The following TNFAIP8 variants were observed in gnomAD, a reference collection of about 807,000 sequenced individuals.
TNFAIP8 encodes the protein TNF alpha induced protein 8, also known as tumor necrosis factor alpha-induced protein 8.
In TNFAIP8, 7 loss-of-function variants were observed where a neutral mutation model predicts 13.3. That is an observed-to-expected ratio of 0.52 (90% CI 0.30 to 0.99). The LOEUF is 0.99. Ranked by LOEUF, TNFAIP8 falls within the 50% of genes least tolerant of loss-of-function variation. The pLI, the probability that TNFAIP8 is intolerant of heterozygous loss-of-function variation, is 0.07. For synonymous variants in TNFAIP8, 94 were observed against 87.6 expected, an observed-to-expected ratio of 1.07 and a Z score of -0.41; for missense variants, 258 against 236.9, an observed-to-expected ratio of 1.09 and a Z score of -0.58.
upstream of TNFAIP8, chr5:119,355,586 T>TG (rs1424628705): frequency 3.6e-6 from 2 of 563,054 alleles, no homozygotes; most frequent in Non-Finnish European, 6.3e-6. Context: ...CAAATGGGCA[T>TG]CAAAAAATGT....
intron 1 of TNFAIP8, among the ~76,000 whole-genome samples, chr5:119,327,044 G>T (rs1750245664): frequency 6.6e-6 from 1 of 152,126 alleles, no homozygotes; most frequent in African/African-American, 2.4e-5. Flanking sequence ...CAGGATAGGG[G>T]CTCGGGCTCC....
intron 1 of TNFAIP8, among the ~76,000 whole-genome samples, chr5:119,329,825 T>G (rs11959451): frequency 0.096 from 14,535 of 151,264 alleles, 801 homozygotes; most frequent in African/African-American, 0.16. Flanking sequence ...ACCATGCAAG[T>G]CCATGTCCAG....
chr5:119,305,450 C>G (rs1581589241), intron 1 of TNFAIP8, among the ~76,000 whole-genome samples: 1 of 152,116 alleles, frequency 6.6e-6, no homozygotes, highest in Non-Finnish European at 1.5e-5. Flanking sequence ...TCATTTGGGC[C>G]TGGGTGTGGT....
intron 1 of TNFAIP8, among the ~76,000 whole-genome samples, chr5:119,383,642 G>A (rs1752568249): frequency 6.6e-6 from 1 of 152,076 alleles, no homozygotes; most frequent in Non-Finnish European, 1.5e-5. Context: ...GCACTGCTCA[G>A]TATCTATTCA....
intron 1 of TNFAIP8, among the ~76,000 whole-genome samples, chr5:119,351,009 T>A (rs906270262): frequency 1.2e-4 from 16 of 134,032 alleles, no homozygotes; most frequent in African/African-American, 5.8e-4. Context: ...TGTGTGTGTG[T>A]GTGTGTGTGT....
chr5:119,343,001 C>T (rs1413489493), intron 1 of TNFAIP8, among the ~76,000 whole-genome samples: 4 of 152,166 alleles, frequency 2.6e-5, no homozygotes, highest in African/African-American at 4.8e-5. Flanking sequence ...GTTTCCAATC[C>T]GAGGATGGTG....
intron 1 of TNFAIP8, among the ~76,000 whole-genome samples, chr5:119,385,072 A>T (rs1037385106): frequency 6.6e-6 from 1 of 152,224 alleles, no homozygotes; most frequent in South Asian, 2.1e-4. Flanking sequence ...TTGTCCACGA[A>T]TTTGGCAAAT....
intron 1 of TNFAIP8, among the ~76,000 whole-genome samples, chr5:119,302,740 A>T (rs776732580): frequency 6.6e-6 from 1 of 152,214 alleles, no homozygotes; most frequent in African/African-American, 2.4e-5. Flanking sequence ...ATGACCTAAG[A>T]TCGTTCACCT....
chr5:119,330,001 C>G (rs1286076444), intron 1 of TNFAIP8, among the ~76,000 whole-genome samples: 1 of 152,090 alleles, frequency 6.6e-6, no homozygotes, highest in Non-Finnish European at 1.5e-5. Context: ...GCCTTCCTCC[C>G]TGCTTCACCA....
intron 1 of TNFAIP8, among the ~76,000 whole-genome samples, chr5:119,288,971 A>G (rs922072802): frequency 1.3e-5 from 2 of 152,228 alleles, no homozygotes; most frequent in East Asian, 1.9e-4. Context: ...TTAAAGCCAC[A>G]TTCACTCCTT....
At chr5:119,344,396 C>T (rs1296976785) in intron 1 of TNFAIP8, among the ~76,000 whole-genome samples, 1 of 152,202 alleles carries the variant, frequency 6.6e-6, no homozygotes, top group East Asian at 1.9e-4. Context: ...GGATCCACCT[C>T]CATGACCCAA....
chr5:119,299,565 A>T (rs1432481335), intron 1 of TNFAIP8, among the ~76,000 whole-genome samples: 3 of 152,046 alleles, frequency 2.0e-5, no homozygotes, highest in Non-Finnish European at 4.4e-5. Flanking sequence ...GGGGTCAGGG[A>T]CCCTCGTGAG....
chr5:119,271,467 A>T (rs1360539563), intron 1 of TNFAIP8, among the ~76,000 whole-genome samples: 1 of 152,170 alleles, frequency 6.6e-6, no homozygotes, highest in Non-Finnish European at 1.5e-5. Context: ...GCTTTGATCT[A>T]CCTCATGTAG....
chr5:119,356,908 G>A (rs1209337383), intron 1 of TNFAIP8, among the ~76,000 whole-genome samples: 1 of 152,062 alleles, frequency 6.6e-6, no homozygotes, highest in Non-Finnish European at 1.5e-5. Flanking sequence ...GTAAGTGGGG[G>A]GTGGGAGTAA....
At chr5:119,297,665 A>G (rs915313854) in intron 1 of TNFAIP8, among the ~76,000 whole-genome samples, 7 of 152,060 alleles carry the variant, frequency 4.6e-5, no homozygotes, top group African/African-American at 1.5e-4. Flanking sequence ...TATCCTTGTT[A>G]ACTTTCTGTC....
intron 1 of TNFAIP8, among the ~76,000 whole-genome samples, chr5:119,342,817 T>G (rs1335564664): frequency 6.6e-6 from 1 of 152,226 alleles, no homozygotes; most frequent in Non-Finnish European, 1.5e-5. Flanking sequence ...TGGCTGGCGT[T>G]ACTTTTTTCA....
rs1562026521 is a variant in TNFAIP8 at position 119,373,786 on chromosome 5, T to G, written c.31+17665T>G. Among the ~76,000 whole-genome samples, 3 of 152,322 alleles carry G rather than the reference T, an allele frequency of 2.0e-5. No individual in the cohort carries two copies. In the East Asian group the frequency reaches 5.8e-4, roughly 29 times the overall value. Reference sequence around the variant, plus strand: ...ATCTTCAGTCATATCACAAAAAAATTAGTTCCTTTTCAGTGTCCTTGGAGT... The same window carrying G: ...ATCTTCAGTCATATCACAAAAAAATGAGTTCCTTTTCAGTGTCCTTGGAGT... On this transcript the variant is annotated intron_variant, in intron 1 of 1. Transcript: ENST00000504771.
intron 1 of TNFAIP8, among the ~76,000 whole-genome samples, chr5:119,338,189 CACACACACACACACACACACA>C (rs1315941779): frequency 2.0e-5 from 3 of 149,300 alleles, no homozygotes; most frequent in Admixed American, 6.6e-5. Flanking sequence ...CACACACACA[CACACACACACACACACACACA>C]CCTTCTCAGC....
At chr5:119,275,264 C>G (rs568062978) in intron 1 of TNFAIP8, among the ~76,000 whole-genome samples, 8 of 152,142 alleles carry the variant, frequency 5.3e-5, no homozygotes, top group Admixed American at 3.3e-4. Flanking sequence ...CAAATAGATC[C>G]AGAAATTGAA....
Sources: allele counts gnomAD v4.1 joint callset (sites outside exome capture counted in the v4.1 genomes callset), GRCh38; gene constraint gnomAD v4.1.1; transcripts MANE v1.5; gene names NCBI Gene and HGNC (gene_info 2026-07-23, HGNC 2026-07-21).